Variants in STPG2 observed in about 807,000 individuals in gnomAD.
The protein encoded by STPG2 is sperm-tail PG-rich repeat-containing protein 2.
In STPG2, 56 loss-of-function variants were observed where a neutral mutation model predicts 54.2. The ratio of observed to expected loss-of-function variants is 1.03; its 90% confidence interval spans 0.83 to 1.29. The LOEUF (loss-of-function observed/expected upper bound fraction) is 1.29. Among genes scored for constraint, STPG2 ranks in the 50% most tolerant of loss-of-function variants. The pLI, the probability that STPG2 is intolerant of heterozygous loss-of-function variation, is 0.00. For synonymous variants in STPG2, 200 were observed against 181.8 expected, an observed-to-expected ratio of 1.10 and a Z score of -0.81; for missense variants, 596 against 544.9, an observed-to-expected ratio of 1.09 and a Z score of -0.93.
At chr4:97,931,130 C>A (rs1255877306) in intron 8 of STPG2, among the ~76,000 whole-genome samples, 1 of 152,196 alleles carries the variant, frequency 6.6e-6, no homozygotes, top group Non-Finnish European at 1.5e-5. Flanking sequence ...CATCTGCAAA[C>A]AGATATAGTT....
chr4:98,135,383 T>C (rs6855393), intron 1 of STPG2, among the ~76,000 whole-genome samples: 59,931 of 151,564 alleles, frequency 0.4, 12,090 homozygotes, highest in Middle Eastern at 0.46. Flanking sequence ...CAAGAATTAT[T>C]TATTTGTGTT....
At chr4:98,060,474 T>C (rs1423924320) in intron 5 of STPG2, among the ~76,000 whole-genome samples, 1 of 152,112 alleles carries the variant, frequency 6.6e-6, no homozygotes, top group Non-Finnish European at 1.5e-5. Flanking sequence ...TCAATATTGT[T>C]AAAATGGCCA....
downstream of STPG2, among the ~76,000 whole-genome samples, chr4:97,557,750 G>A (rs1732113494): frequency 6.6e-6 from 1 of 152,168 alleles, no homozygotes. Context: ...AGGCGGAAAG[G>A]ATTTTGCAGG....
At chr4:97,713,084 A>G (rs1322453095) in intron 9 of STPG2, among the ~76,000 whole-genome samples, 1 of 152,216 alleles carries the variant, frequency 6.6e-6, no homozygotes, top group African/African-American at 2.4e-5. Context: ...ATACTTTTAT[A>G]TCATGAATGA....
chr4:97,612,662 A>G (rs72890843), intron 10 of STPG2, among the ~76,000 whole-genome samples: 20,731 of 152,054 alleles, frequency 0.14, 4,118 homozygotes, highest in African/African-American at 0.44. Context: ...TGGGGAATAT[A>G]GCCCAGGCGT....
intron 4 of STPG2, among the ~76,000 whole-genome samples, chr4:97,504,106 A>T: frequency 6.9e-6 from 1 of 144,730 alleles, no homozygotes; most frequent in African/African-American, 2.5e-5. Context: ...TTTAATAAAT[A>T]AATAAATATT....
chr4:97,484,088 A>G (rs1014040549), intron 4 of STPG2, among the ~76,000 whole-genome samples: 2 of 151,804 alleles, frequency 1.3e-5, no homozygotes, highest in Non-Finnish European at 2.9e-5. Context: ...GCTAGGAGGA[A>G]AGTTCATAGC....
At chr4:97,717,468 A>C (rs1724325642) in intron 9 of STPG2, among the ~76,000 whole-genome samples, 1 of 152,184 alleles carries the variant, frequency 6.6e-6, no homozygotes, top group South Asian at 2.1e-4. Flanking sequence ...ATGTGTTCCT[A>C]GCACTGATTA....
chr4:97,880,088 T>A (rs547782892), intron 8 of STPG2, among the ~76,000 whole-genome samples: 12 of 152,222 alleles, frequency 7.9e-5, no homozygotes, highest in African/African-American at 2.2e-4. Context: ...GAAAATGGGA[T>A]ACATATGCAG....
At chr4:97,684,118 G>T (rs1723116159) in intron 10 of STPG2, among the ~76,000 whole-genome samples, 1 of 151,732 alleles carries the variant, frequency 6.6e-6, no homozygotes, top group African/African-American at 2.4e-5. Flanking sequence ...TATAAACAAA[G>T]AAATATTTCA....
intron 10 of STPG2, among the ~76,000 whole-genome samples, chr4:97,603,822 CA>C (rs2148908944): frequency 6.6e-6 from 1 of 151,594 alleles, no homozygotes; most frequent in East Asian, 1.9e-4. Flanking sequence ...GTGATTGCCA[CA>C]AGCTGGCTGA....
chr4:98,030,179 C>T (rs1370407953), intron 5 of STPG2, among the ~76,000 whole-genome samples: 1 of 152,152 alleles, frequency 6.6e-6, no homozygotes, highest in Non-Finnish European at 1.5e-5. Context: ...TGTTGTTTTG[C>T]ACCAGTAAAA....
At chr4:97,773,106 G>A (rs1301796553) in intron 9 of STPG2, among the ~76,000 whole-genome samples, 1 of 151,932 alleles carries the variant, frequency 6.6e-6, no homozygotes, top group Admixed American at 6.6e-5. Flanking sequence ...ATTTTTATAT[G>A]CCTTTTCTAT....
intron 4 of STPG2, among the ~76,000 whole-genome samples, chr4:97,442,174 G>A (rs556152568): frequency 4.2e-4 from 64 of 151,822 alleles, no homozygotes; most frequent in Middle Eastern, 3.4e-3. Context: ...CCTGTGAACT[G>A]CACAGAATTT....
At chr4:97,760,879 G>A (rs1000778475) in intron 9 of STPG2, among the ~76,000 whole-genome samples, 2 of 152,108 alleles carry the variant, frequency 1.3e-5, no homozygotes, top group African/African-American at 4.8e-5. Context: ...GGAGGCTCTA[G>A]GACAGCATCC....
At chr4:97,900,770 T>C (rs760340604) in intron 8 of STPG2, among the ~76,000 whole-genome samples, 1 of 151,938 alleles carries the variant, frequency 6.6e-6, no homozygotes, top group Non-Finnish European at 1.5e-5. Context: ...TGGAGTCTAC[T>C]TGTGGGTGGA....
chr4:97,545,211 T>C (rs1031883884), intron 4 of STPG2, among the ~76,000 whole-genome samples: 6 of 152,188 alleles, frequency 3.9e-5, no homozygotes, highest in South Asian at 2.1e-4. Context: ...AACCAAATCA[T>C]GATATATTCT....
chr4:97,526,922 T>C (rs1027766120), intron 4 of STPG2, among the ~76,000 whole-genome samples: 2 of 152,108 alleles, frequency 1.3e-5, no homozygotes, highest in African/African-American at 4.8e-5. Flanking sequence ...GCACCATTTA[T>C]TAACTAGGGA....
intron 9 of STPG2, among the ~76,000 whole-genome samples, chr4:97,811,881 A>G (rs865977326): frequency 6.6e-5 from 10 of 152,092 alleles, no homozygotes; most frequent in African/African-American, 1.9e-4. Context: ...TTAAAACTTC[A>G]GTATGTTTTC....
Sources: allele counts gnomAD v4.1 joint callset (sites outside exome capture counted in the v4.1 genomes callset), GRCh38; gene constraint gnomAD v4.1.1; transcripts MANE v1.5; gene names NCBI Gene and HGNC (gene_info 2026-07-23, HGNC 2026-07-21).